Variants in JAKMIP2 observed in about 807,000 individuals in gnomAD.
JAKMIP2 encodes the protein janus kinase and microtubule interacting protein 2.
JAKMIP2 carries 25 observed loss-of-function variants against 115.0 expected under a neutral mutation model. The ratio of observed to expected loss-of-function variants is 0.22; its 90% CI spans 0.16 to 0.30. The LOEUF (loss-of-function observed/expected upper bound fraction) is 0.30, where lower values mean the gene tolerates loss of function less well. Among genes scored for constraint, JAKMIP2 ranks in the 10% least tolerant of loss-of-function variants. JAKMIP2 has a pLI of 1.00. For missense variants in JAKMIP2, 642 were observed against 957.6 expected, an observed-to-expected ratio of 0.67 and a Z score of 4.35; for synonymous variants, 334 against 343.6, an observed-to-expected ratio of 0.97 and a Z score of 0.31.
chr5:147,609,423 T>G (rs1425118453), intron 20 of JAKMIP2, among the ~76,000 whole-genome samples: 1 of 152,172 alleles, frequency 6.6e-6, no homozygotes, highest in Non-Finnish European at 1.5e-5. Flanking sequence ...TTATTTCTCC[T>G]TCACTTATGA....
rs1303470266 is a variant in JAKMIP2, at chr5:147,700,447, T to C, written c.-148-28493A>G. Among the ~76,000 whole-genome samples, 16 of 152,138 alleles carry C rather than the reference T, an allele frequency of 1.1e-4. 1 individual carries two copies. The highest frequency in any genetic ancestry group is 2.9e-5 in the Non-Finnish European group (2 of 68,026). ...CAAAAAGACAGATATTTAAAATATA[T>C]ATACACGGTTAAGATAAATGGAAAT... is the stretch of plus-strand genomic sequence containing the variant. On this transcript the variant is annotated intron_variant, in intron 1 of 21. Transcript: ENST00000616793.
intron 2 of JAKMIP2, among the ~76,000 whole-genome samples, chr5:147,671,342 G>A (rs529726997): frequency 1.3e-5 from 2 of 152,316 alleles, no homozygotes; most frequent in East Asian, 3.9e-4. Context: ...AACCTATAGA[G>A]GGCAAGAGTG....
rs917838195 is a variant in JAKMIP2, at chr5:147,588,238, C to A, written c.*3469G>T. ...GGGTCTTTTATTTATCTCAAATTAT[C>A]TTTAGTAGTCAGTTATGTTTATTTT... On this transcript the variant is annotated 3_prime_UTR_variant, in exon 22 of 22. Transcript: ENST00000616793. 5.9e-5 allele frequency: 9 copies of A among 151,922 alleles called. No homozygotes were observed. Among genetic ancestry groups the A allele is most frequent in the Non-Finnish European group, 1.3e-4 (9 of 67,988 alleles). 9.4% of individuals were successfully genotyped at this position (151,922 alleles called of 1,614,324 possible).
chr5:147,589,712 GATCTATTTCC>G lies in JAKMIP2; in HGVS notation c.*1985_*1994del, dbSNP rs1239123986. 1.3e-5 allele frequency: 2 copies of G among 152,114 alleles called. No homozygotes were observed. Among genetic ancestry groups the G allele is most frequent in the African/African-American group, 4.8e-5 (2 of 41,428 alleles). 9.4% of individuals were successfully genotyped at this position (152,114 alleles called of 1,614,324 possible). ...TCTATCTTGTTCAATAGCATGAGATGATCTATTTCCTATAGATTATTAAAGATCCTGGTTT... is the reference window on the plus strand; with the variant it reads ...TCTATCTTGTTCAATAGCATGAGATGTATAGATTATTAAAGATCCTGGTTT... On this transcript the variant is annotated 3_prime_UTR_variant, in exon 22 of 22. Transcript: ENST00000616793.
chr5:147,679,805 T>C (rs1400989573), intron 1 of JAKMIP2, among the ~76,000 whole-genome samples: 1 of 152,196 alleles, frequency 6.6e-6, no homozygotes, highest in Admixed American at 6.5e-5. Context: ...GCGGCTTAGC[T>C]ATAATAACAC....
intron 1 of JAKMIP2, among the ~76,000 whole-genome samples, chr5:147,720,010 C>T (rs866433880): frequency 0.12 from 18,222 of 151,488 alleles, 1,168 homozygotes; most frequent in Middle Eastern, 0.18. Context: ...CCATGTTTAG[C>T]GCTTCCTTCA....
At chr5:147,764,467 C>T (rs1334356383) in intron 1 of JAKMIP2, among the ~76,000 whole-genome samples, 2 of 69,726 alleles carry the variant, frequency 2.9e-5, no homozygotes, top group African/African-American at 5.7e-5. Flanking sequence ...GCAAATTGTG[C>T]AAAGAGGATA....
At position 147,585,973 on chromosome 5, in the gene JAKMIP2, A is replaced by C. The variant is rs1754852080; in HGVS notation, c.*5734T>G. On this transcript the variant is annotated 3_prime_UTR_variant, in exon 22 of 22. Transcript: ENST00000616793. The stretch of plus-strand genomic sequence containing the variant: ...AACTTTCTGTTGCTCTTTCAAAAAA[A>C]AGAAACATCAACCAACCAACCAAAC... 1 of 151,578 alleles carries C rather than the reference A, an allele frequency of 6.6e-6. No homozygotes were observed. Among genetic ancestry groups the C allele is most frequent in the South Asian group, 2.1e-4 (1 of 4,810 alleles). The allele number at this position is 151,578 out of a possible 1,614,324, so 9.4% of individuals were successfully genotyped here. A position where few individuals can be genotyped will look rare whatever the true frequency, so the allele number is the denominator to read the frequency against.
chr5:147,763,225 G>A (rs1222859394), intron 1 of JAKMIP2, among the ~76,000 whole-genome samples: 3 of 152,068 alleles, frequency 2.0e-5, no homozygotes, highest in Non-Finnish European at 2.9e-5. Flanking sequence ...GGATAGATGA[G>A]TTCAGACTGT....
In JAKMIP2 at chr5:147,661,295, T is replaced by C; in HGVS notation, c.280A>G (p.Lys94Glu). 1 of 1,613,980 alleles carries C rather than the reference T, an allele frequency of 6.2e-7. No individual in the cohort carries two copies. Among genetic ancestry groups the C allele is most frequent in the Non-Finnish European group, 8.5e-7 (1 of 1,180,018 alleles). The stretch of plus-strand genomic sequence containing the variant: ...CTTGACATTTCCTGCTCGTGCTGCT[T>C]GATAAGGTTCTCCCTCACAGCCTGC... ...ELQAVRENLI[K>E]QHEQEMSRTV... The change falls in exon 3 of 22, where the codon AAG (lysine) becomes GAG (glutamate). Residue 94 changes from lysine (K) to glutamate (E), a missense_variant. This residue lies in a region of JAKMIP2 where 439 missense variants were observed against 570.9 expected (regional missense o/e 0.77). Coordinates refer to ENST00000616793, the MANE Select transcript of JAKMIP2 (RefSeq NM_001270941.2).
At chr5:147,764,991 G>GAGAGAGAGAGAGAGAGAGAGAGAGA (rs1755098163) in intron 1 of JAKMIP2, among the ~76,000 whole-genome samples, 2 of 37,152 alleles carry the variant, frequency 5.4e-5, no homozygotes, top group Non-Finnish European at 1.0e-4. Flanking sequence ...AGAGAGAGAG[G>GAGAGAGAGAGAGAGAGAGAGAGAGA]GAGAGAGAGA....
At chr5:147,749,933 G>A (rs1754489851) in intron 1 of JAKMIP2, among the ~76,000 whole-genome samples, 1 of 152,128 alleles carries the variant, frequency 6.6e-6, no homozygotes, top group Non-Finnish European at 1.5e-5. Context: ...TTCCAAACCA[G>A]TTTCCCCATC....
intron 2 of JAKMIP2, among the ~76,000 whole-genome samples, chr5:147,662,682 C>G (rs1262284020): frequency 6.6e-6 from 1 of 152,042 alleles, no homozygotes; most frequent in Non-Finnish European, 1.5e-5. Flanking sequence ...CACACATACA[C>G]AGAGTAACCT....
intron 4 of JAKMIP2, among the ~76,000 whole-genome samples, chr5:147,648,968 A>G (rs1758263166): frequency 6.6e-6 from 1 of 152,178 alleles, no homozygotes; most frequent in South Asian, 2.1e-4. Flanking sequence ...GGTCAAGGTG[A>G]GAAAATGTTG....
chr5:147,606,818 G>C (rs540642315), intron 20 of JAKMIP2, among the ~76,000 whole-genome samples: 1 of 152,308 alleles, frequency 6.6e-6, no homozygotes, highest in East Asian at 1.9e-4. Flanking sequence ...CCATGAGCAT[G>C]GAATGTTTTT....
intron 1 of JAKMIP2, among the ~76,000 whole-genome samples, chr5:147,740,705 G>T (rs1242915907): frequency 2.0e-5 from 3 of 152,164 alleles, no homozygotes; most frequent in African/African-American, 4.8e-5. Context: ...TAAACTTGAA[G>T]CTCCAGTGTC....
At chr5:147,729,531 T>A (rs1170179852) in intron 1 of JAKMIP2, among the ~76,000 whole-genome samples, 1 of 152,100 alleles carries the variant, frequency 6.6e-6, no homozygotes, top group Non-Finnish European at 1.5e-5. Context: ...CCCAGCATTT[T>A]GGGAGGCCGA....
At chr5:147,615,392 G>A (rs190956663) in intron 19 of JAKMIP2, among the ~76,000 whole-genome samples, 47 of 152,282 alleles carry the variant, frequency 3.1e-4, no homozygotes, top group African/African-American at 1.1e-3. Context: ...GCTTAGAGGT[G>A]GAAAATCACA....
chr5:147,745,056 C>CAAAAAAAA (rs60275664), intron 1 of JAKMIP2, among the ~76,000 whole-genome samples: 2 of 88,410 alleles, frequency 2.3e-5, no homozygotes, highest in African/African-American at 3.7e-5. Flanking sequence ...GACTCTGTCT[C>CAAAAAAAA]AAAAAAAAAA....
Sources: allele counts gnomAD v4.1 joint callset (sites outside exome capture counted in the v4.1 genomes callset), GRCh38; gene constraint gnomAD v4.1.1; regional missense constraint gnomAD v4.1.1; transcripts MANE v1.5; gene names NCBI Gene and HGNC (gene_info 2026-07-23, HGNC 2026-07-21).